Variants in BBS9 observed in about 807,000 individuals in gnomAD.
BBS9 encodes the protein Bardet-Biedl syndrome 9.
Under a neutral mutation model 117.7 loss-of-function variants are expected in BBS9, and 89 were observed. The ratio of observed to expected loss-of-function variants is 0.76; its 90% CI spans 0.64 to 0.90. The LOEUF (loss-of-function observed/expected upper bound fraction) is 0.90, where lower values mean the gene tolerates loss of function less well. Among genes scored for constraint, BBS9 ranks in the 40% least tolerant of loss-of-function variants. BBS9 has a pLI of 0.00. For missense variants in BBS9, 982 were observed against 1,042.2 expected (o/e 0.94, Z 0.80); for synonymous variants, 379 against 370.9 (o/e 1.02, Z -0.25).
At chr7:33,634,997 A>G (rs879503691) in intron 21 of BBS9, among the ~76,000 whole-genome samples, 1 of 152,176 alleles carries the variant, frequency 6.6e-6, no homozygotes, top group African/African-American at 2.4e-5. Flanking sequence ...TTGGCCTCCC[A>G]CACTCGCAGT....
intron 5 of BBS9, among the ~76,000 whole-genome samples, chr7:33,195,054 T>G (rs1039093456): frequency 3.3e-5 from 5 of 152,172 alleles, no homozygotes; most frequent in African/African-American, 1.2e-4. Context: ...CTTCCTAATA[T>G]AGTAACTGTT....
intron 19 of BBS9, among the ~76,000 whole-genome samples, chr7:33,388,375 T>C (rs1288371808): frequency 6.6e-6 from 1 of 152,154 alleles, no homozygotes; most frequent in Non-Finnish European, 1.5e-5. Flanking sequence ...TTTCCACATA[T>C]TACCTCCCGG....
intron 5 of BBS9, among the ~76,000 whole-genome samples, chr7:33,237,011 A>C (rs941885613): frequency 2.0e-5 from 3 of 152,138 alleles, no homozygotes; most frequent in Non-Finnish European, 4.4e-5. Context: ...TGCTTTCAAT[A>C]GTTTTTATAT....
Position 33,521,429 on chromosome 7 carries a change from C to T in BBS9, c.2299-12525C>T, listed in dbSNP as rs187798292. Among the ~76,000 whole-genome samples the T allele has an allele frequency of 1.0e-3, 155 of 152,230 alleles. 1 individual carries two copies. Among genetic ancestry groups the T allele is most frequent in the Non-Finnish European group, 1.5e-3 (104 of 68,010 alleles). On this transcript the variant is annotated intron_variant, in intron 20 of 22. Transcript: ENST00000242067. ...TGGATAAACTTGCACACTGCTCTAC[C>T]GTTGGTTGAAACCTCAATTAAGTTT... is the stretch of plus-strand genomic sequence containing the variant.
chr7:33,538,312 C>G (rs1851785594), intron 21 of BBS9, among the ~76,000 whole-genome samples: 1 of 152,096 alleles, frequency 6.6e-6, no homozygotes, highest in Admixed American at 6.5e-5. Flanking sequence ...AAAAAGTTAT[C>G]ATTTTGAGAT....
At chr7:33,467,567 A>ACCCCCCCCC (rs1563215445) in intron 19 of BBS9, among the ~76,000 whole-genome samples, 5 of 59,436 alleles carry the variant, frequency 8.4e-5, no homozygotes, top group Non-Finnish European at 1.2e-4. Flanking sequence ...GAACCCCCCA[A>ACCCCCCCCC]CTCCGCCACC....
At chr7:33,134,883 A>G (rs925011070) in intron 1 of BBS9, among the ~76,000 whole-genome samples, 1 of 152,182 alleles carries the variant, frequency 6.6e-6, no homozygotes, top group African/African-American at 2.4e-5. Flanking sequence ...GGCGTCAGCC[A>G]CTGCACCTGG....
intron 19 of BBS9, among the ~76,000 whole-genome samples, chr7:33,449,978 C>T (rs987255509): frequency 6.6e-6 from 1 of 152,172 alleles, no homozygotes; most frequent in Non-Finnish European, 1.5e-5. Flanking sequence ...CCACCCATTC[C>T]CCACATGACT....
chr7:33,271,598 A>G (rs575303664), intron 7 of BBS9, among the ~76,000 whole-genome samples: 138 of 152,348 alleles, frequency 9.1e-4, no homozygotes, highest in Non-Finnish European at 1.7e-3. Flanking sequence ...AACAAAGACT[A>G]AAAAAGACAA....
chr7:33,375,815 G>A (rs1823768197), intron 17 of BBS9, among the ~76,000 whole-genome samples: 1 of 151,982 alleles, frequency 6.6e-6, no homozygotes, highest in Non-Finnish European at 1.5e-5. Flanking sequence ...TTGAACTCCT[G>A]AGCTCAGGCA....
At chr7:33,153,426 T>C (rs1328100904) in intron 3 of BBS9, among the ~76,000 whole-genome samples, 1 of 152,244 alleles carries the variant, frequency 6.6e-6, no homozygotes, top group Middle Eastern at 3.2e-3. Flanking sequence ...TTACTGATGA[T>C]ATTGCTGATC....
intron 1 of BBS9, among the ~76,000 whole-genome samples, chr7:33,141,416 A>G (rs936795423): frequency 4.6e-5 from 7 of 152,068 alleles, no homozygotes; most frequent in African/African-American, 1.7e-4. Flanking sequence ...GCAAGACTCC[A>G]TTCCTCACTC....
At chr7:33,501,894 A>G (rs1196689177) in intron 19 of BBS9, among the ~76,000 whole-genome samples, 8 of 151,510 alleles carry the variant, frequency 5.3e-5, no homozygotes, top group Admixed American at 5.3e-4. Context: ...ACTGTCCCTA[A>G]ACTGGACTTA....
At chr7:33,420,478 G>C (rs1319773216) in intron 19 of BBS9, among the ~76,000 whole-genome samples, 5 of 152,128 alleles carry the variant, frequency 3.3e-5, no homozygotes, top group African/African-American at 9.7e-5. Context: ...GGGGACACTA[G>C]TATGCACCTG....
chr7:33,299,812 G>A (rs948064542), intron 9 of BBS9, among the ~76,000 whole-genome samples: 15 of 152,038 alleles, frequency 9.9e-5, no homozygotes, highest in African/African-American at 3.6e-4. Context: ...GCTTAGAAAC[G>A]TTAGCAAACT....
chr7:33,519,450 A>G (rs1245828780), intron 20 of BBS9, among the ~76,000 whole-genome samples: 2 of 152,184 alleles, frequency 1.3e-5, no homozygotes, highest in African/African-American at 4.8e-5. Flanking sequence ...GACCATTGTT[A>G]TGTTTTCGAG....
At chr7:33,189,655 A>T (rs1020601458) in intron 5 of BBS9, among the ~76,000 whole-genome samples, 1 of 151,548 alleles carries the variant, frequency 6.6e-6, no homozygotes, top group African/African-American at 2.4e-5. Flanking sequence ...TGGGAGGCTG[A>T]GGGGGGCGGA....
intron 1 of BBS9, among the ~76,000 whole-genome samples, chr7:33,145,143 G>A (rs891882106): frequency 6.6e-6 from 1 of 152,174 alleles, no homozygotes; most frequent in Non-Finnish European, 1.5e-5. Context: ...TAGGAGCAAT[G>A]GTTCAGTATT....
At chr7:33,222,502 A>C (rs1199287783) in intron 5 of BBS9, among the ~76,000 whole-genome samples, 1 of 152,170 alleles carries the variant, frequency 6.6e-6, no homozygotes, top group African/African-American at 2.4e-5. Flanking sequence ...TCTGTTTCTC[A>C]TGTGCATTAC....
Sources: allele counts gnomAD v4.1 joint callset (sites outside exome capture counted in the v4.1 genomes callset), GRCh38; gene constraint gnomAD v4.1.1; transcripts MANE v1.5; gene names NCBI Gene and HGNC (gene_info 2026-07-23, HGNC 2026-07-21).